The following COMP variants were observed in gnomAD, a reference collection of about 807,000 sequenced individuals.
COMP encodes the protein cartilage oligomeric matrix protein, also known as cartilage oligomeric matrix protein (pseudoachondroplasia, epiphyseal dysplasia 1, multiple).
In COMP, 79 loss-of-function variants were observed where a neutral mutation model predicts 95.8. The observed-to-expected ratio is 0.82, with a 90% CI of 0.69 to 0.99. The LOEUF (loss-of-function observed/expected upper bound fraction) is 0.99. Ranked by LOEUF, COMP falls within the 50% of genes least tolerant of loss-of-function variation. COMP has a pLI of 0.00. For synonymous variants in COMP, 438 were observed against 433.9 expected, an observed-to-expected ratio of 1.01 and a Z score of -0.12; for missense variants, 906 against 1,076.1, an observed-to-expected ratio of 0.84 and a Z score of 2.21.
intron 10 of COMP, chr19:18,787,152 C>T (rs796604894): frequency 5.6e-5 from 25 of 447,554 alleles, no homozygotes; most frequent in Middle Eastern, 6.6e-4. Context: ...GGTGGCTCAG[C>T]TGGGTGCCCG....
At chr19:18,787,392 C>T (rs887728307) in intron 10 of COMP, 99 bp downstream of exon 10, 50 of 1,557,738 alleles carry the variant, frequency 3.2e-5, no homozygotes, top group Non-Finnish European at 4.2e-5. Context: ...CAGCTTACCC[C>T]ATCCGGCTTC....
Position 18,783,208 on chromosome 19 carries a change from T to C in COMP, c.2088-15A>G. The C allele has an allele frequency of 6.2e-7, 1 of 1,605,530 alleles. No individual in the cohort carries two copies. The highest frequency in any genetic ancestry group is 8.5e-7 in the Non-Finnish European group (1 of 1,179,836). ...AGAATCGCACCCTGAGGGTCAGACA[T>C]GGTGAGGCCTGGGGGACCTGGGCCA... On this transcript the variant is annotated splice_polypyrimidine_tract_variant and intron_variant, in intron 17 of 18. Coordinates refer to ENST00000222271, the MANE Select transcript of COMP (RefSeq NM_000095.3).
At chr19:18,790,780 C>G (rs2055207151) in intron 2 of COMP, 70 bp downstream of exon 2, 13 of 1,578,834 alleles carry the variant, frequency 8.2e-6, no homozygotes, top group Non-Finnish European at 7.7e-6. Flanking sequence ...GGTACTTCCT[C>G]TCTCCTCGCT....
Position 18,786,232 on chromosome 19 carries a change from T to C in COMP, c.1307+7A>G. On this transcript the variant is annotated splice_region_variant and intron_variant, in intron 12 of 18. Coordinates refer to ENST00000222271, the MANE Select transcript of COMP (RefSeq NM_000095.3). Reference sequence around the variant, plus strand: ...ACCCGGACGCCCACCCCAGGTGGCCTCCTTACTGGTCTTGATCGCTGTCAC... The same window carrying C: ...ACCCGGACGCCCACCCCAGGTGGCCCCCTTACTGGTCTTGATCGCTGTCAC... 1.2e-6 allele frequency: 2 copies of C among 1,614,086 alleles called. No homozygotes were observed. The highest frequency in any genetic ancestry group is 1.7e-6 in the Non-Finnish European group (2 of 1,180,032).
intron 2 of COMP, 105 bp from the exon 3 acceptor site, chr19:18,790,718 G>GACTC (rs2055206745): frequency 6.2e-7 from 1 of 1,609,490 alleles, no homozygotes; most frequent in East Asian, 2.2e-5. Flanking sequence ...TTTCGCCAAG[G>GACTC]ACTCCCTACC....
chr19:18,790,755 C>T (rs1423652750), intron 2 of COMP, 95 bp downstream of exon 2: 102 of 1,602,624 alleles, frequency 6.4e-5, no homozygotes, highest in Non-Finnish European at 8.3e-5. Context: ...TCCCCATCTC[C>T]TCTCCACCTT....
chr19:18,787,507 G>C lies in COMP; in HGVS notation c.1119C>G (p.Asp373Glu). The C allele has an allele frequency of 6.2e-7, 1 of 1,612,990 alleles. No homozygotes were observed. Among genetic ancestry groups the C allele is most frequent in the Non-Finnish European group, 8.5e-7 (1 of 1,179,972 alleles). ...CGAGCTCACGGTCGCCGTCGATGTC[G>C]TCGTCGCACGCATCGCCCCGGCCGT... ...DQDGRGDACD[D>E]DIDGDRIRNQ... The change falls in exon 10 of 19, where the codon GAC (aspartate) becomes GAG (glutamate). Residue 373 changes from aspartate to glutamate, a missense_variant. Coordinates refer to ENST00000222271, the MANE Select transcript of COMP (RefSeq NM_000095.3).
Position 18,783,089 on chromosome 19 carries a change from T to A in COMP, c.2192A>T (p.Asn731Ile). The A allele has an allele frequency of 6.2e-7, 1 of 1,612,208 alleles. No individual in the cohort carries two copies. The highest frequency in any genetic ancestry group is 8.5e-7 in the Non-Finnish European group (1 of 1,179,992). Reference sequence around the variant, plus strand: ...GTAACGCAGGTTGGCCCAGATGATGTTCTCCTGGGAGAAGCAGAAGACCCC... The same window carrying A: ...GTAACGCAGGTTGGCCCAGATGATGATCTCCTGGGAGAAGCAGAAGACCCC... Reference protein sequence around the residue: ...RLGVFCFSQENIIWANLRYRC... With the variant: ...RLGVFCFSQEIIIWANLRYRC... Residue 731 changes from asparagine (N) to isoleucine (I), a missense_variant, in exon 18 of 19, where the codon AAC (asparagine) becomes ATC (isoleucine). Asn to Ile is a moderately radical substitution (Grantham distance 149). Transcript: ENST00000222271.
chr19:18,786,929 C>A, intron 10 of COMP: 2 of 384,908 alleles, frequency 5.2e-6, no homozygotes, highest in Non-Finnish European at 4.8e-6. Context: ...TGCGCCACCA[C>A]GCCCAGCAAA....
chr19:18,789,236 C>A lies in COMP; in HGVS notation c.452G>T (p.Cys151Phe). Residue 151 changes from cysteine to phenylalanine, a missense_variant, in exon 5 of 19, where the codon TGC becomes TTC. Coordinates refer to ENST00000222271, the MANE Select transcript of COMP (RefSeq NM_000095.3). This position sits in a 1 kb window ranked among gnomAD's most constrained non-coding sequence, Gnocchi z 6.1. ...GCTGTACCCCGGCGGGCAAGCCTCG[C>A]AGCGGAACCCCGGGCTGGTGTTGAT... Reference protein sequence around the residue: ...RCINTSPGFRCEACPPGYSGP... With the variant: ...RCINTSPGFRFEACPPGYSGP... The A allele has an allele frequency of 6.5e-7, 1 of 1,530,332 alleles. No individual in the cohort carries two copies. Among genetic ancestry groups the A allele is most frequent in the Non-Finnish European group, 8.7e-7 (1 of 1,146,818 alleles). The allele number at this position is 1,530,332 out of a possible 1,614,324, so 94.8% of individuals were successfully genotyped here. A position where few individuals can be genotyped will look rare whatever the true frequency, so the allele number is the denominator to read the frequency against.
chr19:18,790,052 C>T lies in COMP; in HGVS notation c.280G>A (p.Gly94Ser). ...SVRPLLHCAP[G>S]FCFPGVACIQ... ...CAGGCCACGCCGGGGAAGCAGAAGC[C>T]GGGCGCGCAGTGGAGCAGGGGCCGC... The change falls in exon 4 of 19, where the codon GGC (glycine) becomes AGC (serine). Residue 94 changes from glycine to serine, a missense_variant. Gly to Ser is a moderately conservative substitution (Grantham distance 56). Transcript: ENST00000222271. 1.3e-6 allele frequency: 2 copies of T among 1,560,100 alleles called. No homozygotes were observed. The highest frequency in any genetic ancestry group is 1.2e-5 in the South Asian group (1 of 85,920).
intron 15 of COMP, 49 bp downstream of exon 15, chr19:18,785,449 C>A (rs1049783315): frequency 1.9e-6 from 3 of 1,610,544 alleles, no homozygotes; most frequent in Non-Finnish European, 1.7e-6. Context: ...TCTGGCCCCT[C>A]TCCCTGAGCC....
At chr19:18,785,597 G>C (rs561997210) in intron 14 of COMP, 51 bp from the exon 15 acceptor site, 1 of 1,613,726 alleles carries the variant, frequency 6.2e-7, no homozygotes, top group East Asian at 2.2e-5. Context: ...ACAGCCCTAG[G>C]CACCCTGTCC....
rs375031149 is a variant in COMP at position 18,786,050 on chromosome 19, G to T, written c.1404C>A (p.Cys468Ter). Residue 468 changes from cysteine to a stop codon, truncating the protein, a stop_gained, in exon 13 of 19, where the codon TGC (cysteine) becomes TGA (stop). Transcript: ENST00000222271. LOFTEE classifies it high-confidence loss of function. ...CTCCGTCATTGTCGTCGTCGTCGTCGCAGGCATCACCCTGGCCATCGTGGT... is the reference window on the plus strand; with the variant it reads ...CTCCGTCATTGTCGTCGTCGTCGTCTCAGGCATCACCCTGGCCATCGTGGT... ...DSDHDGQGDA[C>*]DDDDDNDGVP... is the part of the protein sequence containing the mutation. 2 of 1,613,772 alleles carry T rather than the reference G, an allele frequency of 1.2e-6. No homozygotes were observed. Among genetic ancestry groups the T allele is most frequent in the African/African-American group, 2.7e-5 (2 of 74,936 alleles).
At position 18,783,141 on chromosome 19, in the gene COMP, C is replaced by T. The variant is rs1398275156; in HGVS notation, c.2140G>A (p.Asp714Asn). Residue 714 changes from aspartate (D) to asparagine (N), a missense_variant, in exon 18 of 19, where the codon GAC becomes AAC. Asp to Asn is a conservative substitution (Grantham distance 23, BLOSUM62 1). Transcript: ENST00000222271. ...AGGCGGCCACCCCGCATGGTTGTGTCCAAGACCACGTTGCTGTCGGCCACC... is the reference window on the plus strand; with the variant it reads ...AGGCGGCCACCCCGCATGGTTGTGTTCAAGACCACGTTGCTGTCGGCCACC... Reference protein sequence around the residue: ...ELVADSNVVLDTTMRGGRLGV... With the variant: ...ELVADSNVVLNTTMRGGRLGV... 6.2e-7 allele frequency: 1 copy of T among 1,610,686 alleles called. No homozygotes were observed. The highest frequency in any genetic ancestry group is 2.2e-5 in the East Asian group (1 of 44,898).
rs768907479 is a variant in COMP, at chr19:18,790,097, G to T, written c.235C>A (p.Arg79Ser). 123 of 1,537,652 alleles carry T rather than the reference G, an allele frequency of 8.0e-5. No homozygotes were observed. The highest frequency in any genetic ancestry group is 1.0e-4 in the Non-Finnish European group (116 of 1,145,120). Residue 79 changes from arginine to serine, a missense_variant, in exon 4 of 19, where the codon CGC becomes AGC. By Grantham distance (110) the Arg-to-Ser change is moderately radical. Coordinates refer to ENST00000222271, the MANE Select transcript of COMP (RefSeq NM_000095.3). ...CDACGMQQSV[R>S]TGLPSVRPLL... ...GGCCGCACGCTGGGTAGGCCGGTGCGTACTGACTGCTGCATCCCTGCGGGG... is the reference window on the plus strand; with the variant it reads ...GGCCGCACGCTGGGTAGGCCGGTGCTTACTGACTGCTGCATCCCTGCGGGG...
Position 18,785,649 on chromosome 19 carries a change from C to T in COMP, c.1668+24G>A, listed in dbSNP as rs773400537. 7 of 1,613,412 alleles carry T rather than the reference C, an allele frequency of 4.3e-6. No homozygotes were observed. In the Admixed American group the frequency reaches 6.7e-5, roughly 15 times the overall value. On this transcript the variant is annotated intron_variant, in intron 14 of 18. Coordinates refer to ENST00000222271, the MANE Select transcript of COMP (RefSeq NM_000095.3). The stretch of plus-strand genomic sequence containing the variant: ...TGTGGGGGTTCTAGGGTCCCATCAC[C>T]CCCCACGTGGACCCCGCTCCCACCT...
intron 15 of COMP, 67 bp downstream of exon 15, chr19:18,785,431 G>C: frequency 6.3e-7 from 1 of 1,594,090 alleles, no homozygotes; most frequent in Non-Finnish European, 8.6e-7. Context: ...GCCCGGGCCT[G>C]CCCCTTCTCT....
chr19:18,790,419 A>G, intron 3 of COMP, 143 bp downstream of exon 3: 2 of 1,074,178 alleles, frequency 1.9e-6, no homozygotes, highest in Non-Finnish European at 2.9e-6. Context: ...ACCCCATCCC[A>G]TTCCCGTTCG....
Sources: allele counts gnomAD v4.1 joint callset, GRCh38; gene constraint gnomAD v4.1.1; non-coding constraint Gnocchi (gnomAD v3.1); transcripts MANE v1.5; gene names NCBI Gene and HGNC (gene_info 2026-07-23, HGNC 2026-07-21).